Variants in NEMP1 observed in about 807,000 individuals in gnomAD.
The protein encoded by NEMP1 is nuclear envelope integral membrane protein 1.
In NEMP1, 29 loss-of-function variants were observed where a neutral mutation model predicts 53.7. The observed-to-expected ratio is 0.54, with a 90% CI of 0.40 to 0.74. The LOEUF (loss-of-function observed/expected upper bound fraction) is 0.74. Ranked by LOEUF, NEMP1 falls within the 30% of genes least tolerant of loss-of-function variation. NEMP1 has a pLI of 0.00. For synonymous variants in NEMP1, 193 were observed against 192.9 expected (o/e 1.00, Z 0.00); for missense variants, 477 against 528.6 (o/e 0.90, Z 0.96).
In NEMP1 at chr12:57,069,283, C is replaced by G. The variant is rs1289785541; in HGVS notation, c.496G>C (p.Val166Leu). ...IRRFDPKLFL[V>L]FLLGLMLFFC... is the part of the protein sequence containing the mutation. ...AATAGCATAAGTCCAAGAAGGAAAA[C>G]AAGAAAGAGTTTGGGATCAAATCCT... The change falls in exon 4 of 9, where the codon GTT becomes CTT. Residue 166 changes from valine (V) to leucine (L), a missense_variant. By Grantham distance (32) the Val-to-Leu change is conservative (BLOSUM62 1). Transcript: ENST00000300128. 2 of 1,546,212 alleles carry G rather than the reference C, an allele frequency of 1.3e-6. No individual in the cohort carries two copies. Among genetic ancestry groups the G allele is most frequent in the African/African-American group, 2.8e-5 (2 of 72,604 alleles).
Position 57,070,722 on chromosome 12 carries a change from C to G in NEMP1, c.424G>C (p.Val142Leu), listed in dbSNP as rs142102756. ...TTGGTGTCCTTCTCTATAATCTCAA[C>G]TTTGAGGCAGGTTTTTGTGCTGTAT... Reference protein sequence around the residue: ...GLYSTKTCLKVEIIEKDTKYS... With the variant: ...GLYSTKTCLKLEIIEKDTKYS... Residue 142 changes from valine to leucine, a missense_variant, in exon 3 of 9, where the codon GTT (valine) becomes CTT (leucine). Physicochemically the swap from Val to Leu is conservative, Grantham distance 32. Transcript: ENST00000300128. The G allele has an allele frequency of 1.3e-6, 2 of 1,566,524 alleles. No individual in the cohort carries two copies. The highest frequency in any genetic ancestry group is 1.4e-5 in the African/African-American group (1 of 73,404).
Position 57,072,928 on chromosome 12 carries a change from G to A in NEMP1, c.128-16C>T. On this transcript the variant is annotated splice_polypyrimidine_tract_variant and intron_variant, in intron 1 of 8. Transcript: ENST00000300128. Reference sequence around the variant, plus strand: ...TCAGTTTCAGCTTTATGCAAAGAAAGGAAACAAGAATTAAACATAACAAGC... The same window carrying A: ...TCAGTTTCAGCTTTATGCAAAGAAAAGAAACAAGAATTAAACATAACAAGC... The A allele has an allele frequency of 6.3e-7, 1 of 1,594,452 alleles. No homozygotes were observed. Among genetic ancestry groups the A allele is most frequent in the Non-Finnish European group, 8.5e-7 (1 of 1,169,786 alleles).
At chr12:57,060,149 T>G in intron 8 of NEMP1, 90 bp from the exon 9 acceptor site, 1 of 1,172,074 alleles carries the variant, frequency 8.5e-7, no homozygotes, top group Non-Finnish European at 1.2e-6. Flanking sequence ...GCCCTCGATA[T>G]GCTCGCAACT....
At position 57,073,812 on chromosome 12, in the gene NEMP1, T is replaced by C. The variant is rs544344102; in HGVS notation, c.128-900A>G. ...GCTCCAAAATCACACAAATAGTAAA[T>C]AGCCTATCTGAGATTCACCCCCAGG... On this transcript the variant is annotated intron_variant, in intron 1 of 8. Transcript: ENST00000300128. 5.6e-4 allele frequency among the ~76,000 whole-genome samples: 85 copies of C among 152,194 alleles called. No individual in the cohort carries two copies. In the Middle Eastern group the frequency reaches 0.017, roughly 30 times the overall value.
At chr12:57,088,410 C>A (rs1490635520), upstream of NEMP1, among the ~76,000 whole-genome samples, 1 of 152,220 alleles carries the variant, frequency 6.6e-6, no homozygotes, top group African/African-American at 2.4e-5. Context: ...CCCTGCAGAG[C>A]CCCACGCTCT....
upstream of NEMP1, among the ~76,000 whole-genome samples, chr12:57,088,276 G>T (rs2033075430): frequency 6.6e-6 from 1 of 152,220 alleles, no homozygotes; most frequent in South Asian, 2.1e-4. Context: ...GTGGCGTGCA[G>T]CATAACCCTC....
chr12:57,084,325 G>A (rs1161911550), intron 1 of NEMP1, among the ~76,000 whole-genome samples: 1 of 152,072 alleles, frequency 6.6e-6, no homozygotes, highest in African/African-American at 2.4e-5. Context: ...TGCAGGCCAC[G>A]AATATTTGAT....
intron 4 of NEMP1, among the ~76,000 whole-genome samples, chr12:57,064,967 T>C (rs893829721): frequency 6.6e-6 from 1 of 152,248 alleles, no homozygotes; most frequent in South Asian, 2.1e-4. Context: ...CATATAAAAA[T>C]TGTTTACACT....
intron 1 of NEMP1, among the ~76,000 whole-genome samples, chr12:57,086,192 C>T (rs1321701025): frequency 6.6e-6 from 1 of 152,184 alleles, no homozygotes; most frequent in East Asian, 1.9e-4. Context: ...AAAATCTACA[C>T]GTGCGCGTAG....
At chr12:57,085,045 A>AC (rs2032953365) in intron 1 of NEMP1, among the ~76,000 whole-genome samples, 1 of 152,128 alleles carries the variant, frequency 6.6e-6, no homozygotes, top group Admixed American at 6.6e-5. Context: ...AACCAGCTCC[A>AC]CCCACCACCC....
At position 57,064,060 on chromosome 12, in the gene NEMP1, A is replaced by T. The variant is rs7975943; in HGVS notation, c.754+11T>A. ...AACGTACAAAAGGAAAGCAAAACCG[A>T]CAACACTTACTTAAAAGATACTGCC... On this transcript the variant is annotated intron_variant, in intron 6 of 8. Coordinates refer to ENST00000300128, the MANE Select transcript of NEMP1 (RefSeq NM_001130963.2). 1.9e-6 allele frequency: 3 copies of T among 1,541,990 alleles called. No individual in the cohort carries two copies. Among genetic ancestry groups the T allele is most frequent in the Non-Finnish European group, 1.8e-6 (2 of 1,124,154 alleles).
At chr12:57,062,314 T>C (rs1240222012) in intron 7 of NEMP1, among the ~76,000 whole-genome samples, 1 of 151,830 alleles carries the variant, frequency 6.6e-6, no homozygotes, top group East Asian at 1.9e-4. Flanking sequence ...ACCACATCTC[T>C]ATTAAAAATA....
chr12:57,071,687 AT>A (rs1048960042), intron 2 of NEMP1, among the ~76,000 whole-genome samples: 3 of 151,792 alleles, frequency 2.0e-5, no homozygotes, highest in Non-Finnish European at 2.9e-5. Flanking sequence ...CTTGTCAGAC[AT>A]TTTTTTTAAA....
rs1019590144 is a variant in NEMP1, at chr12:57,058,251, T to C, written c.*1628A>G. The C allele has an allele frequency of 2.6e-5, 4 of 152,242 alleles. No individual in the cohort carries two copies. Among genetic ancestry groups the C allele is most frequent in the Non-Finnish European group, 5.9e-5 (4 of 68,044 alleles). 9.4% of individuals were successfully genotyped at this position (152,242 alleles called of 1,614,324 possible). ...CCCACCTGGAGGGCAGTCTCAGAGC[T>C]GACCCTTTGGAAGTCTGCAATGGAG... On this transcript the variant is annotated 3_prime_UTR_variant, in exon 9 of 9. Transcript: ENST00000300128.
intron 7 of NEMP1, among the ~76,000 whole-genome samples, chr12:57,061,457 G>T (rs1475664406): frequency 6.6e-6 from 1 of 152,126 alleles, no homozygotes; most frequent in East Asian, 1.9e-4. Flanking sequence ...ACTTTGGGAG[G>T]CCAAGGCAGG....
intron 7 of NEMP1, 131 bp from the exon 8 acceptor site, chr12:57,061,076 C>T: frequency 1.2e-6 from 1 of 842,692 alleles, no homozygotes; most frequent in Non-Finnish European, 1.8e-6. Flanking sequence ...CCTAAAAATT[C>T]CATGGACATC....
chr12:57,071,244 C>G (rs1592510389), intron 2 of NEMP1, among the ~76,000 whole-genome samples: 1 of 152,158 alleles, frequency 6.6e-6, no homozygotes. Context: ...AAGAAAATTG[C>G]CAGGCATAAA....
rs983374239 is a variant in NEMP1, at chr12:57,056,514, T to C, written c.*3365A>G. 1 of 152,226 alleles carries C rather than the reference T, an allele frequency of 6.6e-6. No individual in the cohort carries two copies. Among genetic ancestry groups the C allele is most frequent in the Non-Finnish European group, 1.5e-5 (1 of 68,042 alleles). 9.4% of individuals were successfully genotyped at this position (152,226 alleles called of 1,614,324 possible). On this transcript the variant is annotated 3_prime_UTR_variant, in exon 9 of 9. Coordinates refer to ENST00000300128, the MANE Select transcript of NEMP1 (RefSeq NM_001130963.2). ...AGATACAATTCTTGGCATTTCAATA[T>C]AGGTTATTATCTCATATGTCAGACT...
chr12:57,066,325 TCTCCA>T (rs1304833752), intron 4 of NEMP1, among the ~76,000 whole-genome samples: 3 of 152,308 alleles, frequency 2.0e-5, no homozygotes, highest in Non-Finnish European at 4.4e-5. Context: ...ACTAAAACTC[TCTCCA>T]TATCAGCAAT....
Sources: allele counts gnomAD v4.1 joint callset (sites outside exome capture counted in the v4.1 genomes callset), GRCh38; gene constraint gnomAD v4.1.1; transcripts MANE v1.5; gene names NCBI Gene and HGNC (gene_info 2026-07-23, HGNC 2026-07-21).